WWOX: variants seen among roughly 807,000 people sequenced by gnomAD.
WWOX encodes the protein WW domain-containing oxidoreductase.
Under a neutral mutation model 46.2 loss-of-function variants are expected in WWOX, and 69 were observed. That is an observed-to-expected ratio of 1.49 (90% confidence interval 1.23 to 1.82). WWOX has a LOEUF of 1.82. WWOX is among the 40% of genes most tolerant of loss of function. The pLI, the probability that WWOX is intolerant of heterozygous loss-of-function variation, is 0.00. For synonymous variants in WWOX, 359 were observed against 202.6 expected, an observed-to-expected ratio of 1.77 and a Z score of -6.56; for missense variants, 919 against 542.6, an observed-to-expected ratio of 1.69 and a Z score of -6.89.
At chr16:78,633,425 G>T (rs904602521) in intron 8 of WWOX, among the ~76,000 whole-genome samples, 1 of 152,154 alleles carries the variant, frequency 6.6e-6, no homozygotes, top group Non-Finnish European at 1.5e-5. Context: ...CTGTCTTCAA[G>T]CCTGAGCAGG....
intron 8 of WWOX, among the ~76,000 whole-genome samples, chr16:78,700,829 A>T (rs1400465579): frequency 1.3e-5 from 2 of 152,188 alleles, no homozygotes; most frequent in Non-Finnish European, 2.9e-5. Flanking sequence ...TTTCCAACTA[A>T]TGGAAGAAAG....
At chr16:78,284,484 G>A (rs1171027983) in intron 5 of WWOX, among the ~76,000 whole-genome samples, 5 of 152,184 alleles carry the variant, frequency 3.3e-5, no homozygotes, top group Admixed American at 3.3e-4. Flanking sequence ...ATGGAGCTCA[G>A]AGGAAATGTG....
At chr16:78,744,483 G>C (rs1398759918) in intron 8 of WWOX, among the ~76,000 whole-genome samples, 1 of 138,274 alleles carries the variant, frequency 7.2e-6, no homozygotes, top group Non-Finnish European at 1.5e-5. Context: ...CCAGGCTGGA[G>C]TGCAGTGGCA....
chr16:79,114,427 T>TACCTACATGCACACACGTGTGCACAC (rs2049473739), intron 8 of WWOX, among the ~76,000 whole-genome samples: 1 of 151,178 alleles, frequency 6.6e-6, no homozygotes, highest in Admixed American at 6.6e-5. Context: ...TGCATGCACA[T>TACCTACATGCACACACGTGTGCACAC]ACCTACATGC....
At chr16:78,274,366 T>C (rs1217034987) in intron 5 of WWOX, among the ~76,000 whole-genome samples, 2 of 152,216 alleles carry the variant, frequency 1.3e-5, no homozygotes, top group East Asian at 3.9e-4. Context: ...AAAATGCATA[T>C]TATAGTAATT....
At chr16:78,246,215 G>C (rs938419375) in intron 5 of WWOX, among the ~76,000 whole-genome samples, 6 of 152,146 alleles carry the variant, frequency 3.9e-5, no homozygotes, top group Non-Finnish European at 8.8e-5. Flanking sequence ...GGCACAGTTT[G>C]TTATTACATG....
chr16:79,169,004 T>G (rs1255820197), intron 8 of WWOX, among the ~76,000 whole-genome samples: 1 of 152,228 alleles, frequency 6.6e-6, no homozygotes, highest in Non-Finnish European at 1.5e-5. Context: ...AAAAATCTTT[T>G]CACCCCTTTA....
chr16:78,105,267 G>A (rs940207990), intron 1 of WWOX, among the ~76,000 whole-genome samples: 2 of 152,168 alleles, frequency 1.3e-5, no homozygotes, highest in Non-Finnish European at 2.9e-5. Flanking sequence ...TTCGAGACCT[G>A]CCTGGCCAAC....
chr16:79,157,103 G>T (rs1443239682), intron 8 of WWOX, among the ~76,000 whole-genome samples: 3 of 152,190 alleles, frequency 2.0e-5, no homozygotes, highest in African/African-American at 7.2e-5. Flanking sequence ...AGGAAAAACA[G>T]AGTAATTCTG....
intron 4 of WWOX, chr16:78,123,738 G>C (rs1362540160): frequency 2.7e-5 from 3 of 110,422 alleles, no homozygotes; most frequent in African/African-American, 1.0e-4. Flanking sequence ...TTACAGGCGT[G>C]AGCTACTGCA....
At chr16:78,281,263 C>G (rs1487058025) in intron 5 of WWOX, among the ~76,000 whole-genome samples, 2 of 152,188 alleles carry the variant, frequency 1.3e-5, no homozygotes, top group African/African-American at 2.4e-5. Flanking sequence ...GGGCTCCGCC[C>G]CAGTGATTCA....
intron 5 of WWOX, among the ~76,000 whole-genome samples, chr16:78,209,215 C>T (rs1267989466): frequency 1.3e-5 from 2 of 150,936 alleles, no homozygotes; most frequent in Non-Finnish European, 3.0e-5. Context: ...CATTTGTTGT[C>T]GTGATGTGAC....
rs571455609 is a variant in WWOX, at chr16:78,396,576, C to G, written c.605+9628C>G. Among the ~76,000 whole-genome samples the G allele has an allele frequency of 5.9e-5, 9 of 152,312 alleles. No individual in the cohort carries two copies. In the East Asian group the frequency reaches 1.4e-3, roughly 23 times the overall value. On this transcript the variant is annotated intron_variant, in intron 6 of 8. Coordinates refer to ENST00000566780, the MANE Select transcript of WWOX (RefSeq NM_016373.4). ...CAGGGTTGTCTTTTCCCACTCCTCA[C>G]AATCCCACCAGTGCACATGCAAGGT...
At chr16:78,188,730 T>G (rs1485604682) in intron 5 of WWOX, among the ~76,000 whole-genome samples, 1 of 152,010 alleles carries the variant, frequency 6.6e-6, no homozygotes, top group Non-Finnish European at 1.5e-5. Flanking sequence ...ATAAAGGTAT[T>G]GACAGACCCA....
intron 6 of WWOX, among the ~76,000 whole-genome samples, chr16:78,405,259 G>A (rs2082500856): frequency 6.6e-6 from 1 of 152,174 alleles, no homozygotes; most frequent in African/African-American, 2.4e-5. Context: ...AGGGGACACA[G>A]CCGGTGCTGT....
intron 8 of WWOX, among the ~76,000 whole-genome samples, chr16:78,596,555 G>T (rs1012164053): frequency 9.9e-5 from 15 of 152,166 alleles, no homozygotes; most frequent in Non-Finnish European, 1.8e-4. Context: ...GGTGTTCCAA[G>T]ACTGGGGACA....
intron 5 of WWOX, among the ~76,000 whole-genome samples, chr16:78,298,954 T>C (rs530800646): frequency 6.7e-6 from 1 of 148,628 alleles, no homozygotes; most frequent in African/African-American, 2.5e-5. Flanking sequence ...TTTCTTCTTC[T>C]TCCTTTTCCT....
At chr16:78,630,049 C>G (rs186706820) in intron 8 of WWOX, among the ~76,000 whole-genome samples, 2 of 152,060 alleles carry the variant, frequency 1.3e-5, no homozygotes, top group South Asian at 2.1e-4. Flanking sequence ...CATGTAGACT[C>G]GAAGCTTCAC....
At position 78,338,571 on chromosome 16, in the gene WWOX, T is replaced by C. The variant is rs1370617397; in HGVS notation, c.517-48289T>C. On this transcript the variant is annotated intron_variant, in intron 5 of 8. Transcript: ENST00000566780. ...CAGAGAATTGTTCAAGGCAGAGAAT[T>C]ATTTTTTCAATGCCTATTTTCTCCT... 5.0e-5 allele frequency among the ~76,000 whole-genome samples: 6 copies of C among 121,146 alleles called. 2 individuals carry two copies. The highest frequency in any genetic ancestry group is 1.2e-4 in the Non-Finnish European group (6 of 50,772). 79.5% of individuals were successfully genotyped at this position (121,146 alleles called of 152,430 possible).
Sources: gnomAD v4.1 joint callset for allele counts (sites outside exome capture counted in the v4.1 genomes callset) on GRCh38, gnomAD v4.1.1 for gene constraint, MANE v1.5 for transcripts, NCBI Gene and HGNC (gene_info 2026-07-23, HGNC 2026-07-21) for gene names.